NF1: variants seen among roughly 807,000 people sequenced by gnomAD.
NF1 encodes neurofibromin.
NF1 carries 122 observed loss-of-function variants against 325.7 expected under a neutral mutation model. The observed-to-expected ratio is 0.37, with a 90% CI of 0.32 to 0.44. The LOEUF is 0.44. Ranked by LOEUF, NF1 falls within the 20% of genes least tolerant of loss-of-function variation. The pLI is 1.00. For synonymous variants in NF1, 1,091 were observed against 1,186.0 expected, an observed-to-expected ratio of 0.92 and a Z score of 1.65; for missense variants, 2,140 against 3,415.4, an observed-to-expected ratio of 0.63 and a Z score of 9.31.
intron 1 of NF1, among the ~76,000 whole-genome samples, chr17:31,111,993 T>C (rs541862703): frequency 6.6e-6 from 1 of 152,260 alleles, no homozygotes; most frequent in East Asian, 1.9e-4. Flanking sequence ...TTAAAATGTA[T>C]AATTTGATGA....
At chr17:31,248,421 C>T (rs2067437084) in intron 29 of NF1, among the ~76,000 whole-genome samples, 1 of 152,178 alleles carries the variant, frequency 6.6e-6, no homozygotes, top group Non-Finnish European at 1.5e-5. Context: ...AACACACATA[C>T]ACGTGCATGT....
rs532544954 is a variant in NF1 at position 31,305,275 on chromosome 17, A to G, written c.4836-20545A>G. ...GGCTTGCTGGGAGGAGGTGTTGGCT[A>G]TTGGTGTTGGTTGTTTGGTGTTGTA... On this transcript the variant is annotated intron_variant, in intron 36 of 57. Coordinates refer to ENST00000358273, the MANE Select transcript of NF1 (RefSeq NM_001042492.3). 71 of 1,614,074 alleles carry G rather than the reference A, an allele frequency of 4.4e-5. No individual in the cohort carries two copies. In the South Asian group the frequency reaches 5.3e-4, roughly 12 times the overall value.
chr17:31,266,091 C>T (rs2067783307), intron 36 of NF1, among the ~76,000 whole-genome samples: 1 of 152,266 alleles, frequency 6.6e-6, no homozygotes, highest in South Asian at 2.1e-4. Context: ...CATAGAGAAA[C>T]CACTGACTTT....
chr17:31,169,831 A>G lies in NF1; in HGVS notation c.480-60A>G, dbSNP rs562335297. 61 of 1,207,668 alleles carry G rather than the reference A, an allele frequency of 5.1e-5. No homozygotes were observed. The South Asian group carries it at 6.6e-4, about 13-fold the overall frequency. The allele number at this position is 1,207,668 out of a possible 1,614,324, so 74.8% of individuals were successfully genotyped here. A position where few individuals can be genotyped will look rare whatever the true frequency, so the allele number is the denominator to read the frequency against. ...GAAGTGCTGGGATTACAGGTGTGAG[A>G]TACCACACCTGTCCCCTAATACTTA... On this transcript the variant is annotated intron_variant, in intron 4 of 57. Coordinates refer to ENST00000358273, the MANE Select transcript of NF1 (RefSeq NM_001042492.3).
chr17:31,095,563 G>A (rs1357204033), intron 1 of NF1, 194 bp downstream of exon 1: 5 of 600,216 alleles, frequency 8.3e-6, no homozygotes, highest in Non-Finnish European at 1.4e-5. Context: ...GGGGACAGCT[G>A]GGAGCTTGGG....
intron 46 of NF1, 168 bp from the exon 47 acceptor site, chr17:31,340,337 G>T: frequency 2.6e-6 from 2 of 770,802 alleles, no homozygotes; most frequent in Non-Finnish European, 4.2e-6. Context: ...AGTGTCTTTA[G>T]TTATACATAT....
intron 5 of NF1, among the ~76,000 whole-genome samples, chr17:31,179,230 A>G (rs887263966): frequency 6.6e-6 from 1 of 152,214 alleles, no homozygotes; most frequent in Non-Finnish European, 1.5e-5. Flanking sequence ...ACACAACTAC[A>G]TGGAAACTGA....
At chr17:31,211,843 A>G (rs913577647) in intron 12 of NF1, among the ~76,000 whole-genome samples, 1 of 152,222 alleles carries the variant, frequency 6.6e-6, no homozygotes, top group African/African-American at 2.4e-5. Context: ...TGTGAAGCCT[A>G]GGACATTACA....
intron 8 of NF1, among the ~76,000 whole-genome samples, chr17:31,186,826 C>T (rs76399158): frequency 0.04 from 6,104 of 152,296 alleles, 166 homozygotes; most frequent in Non-Finnish European, 0.06. Flanking sequence ...GGCTTAGCAA[C>T]GTGGACTTCA....
intron 29 of NF1, 62 bp from the exon 30 acceptor site, chr17:31,248,922 G>A: frequency 6.5e-7 from 1 of 1,544,916 alleles, no homozygotes; most frequent in Non-Finnish European, 8.9e-7. Flanking sequence ...CTCTTTTAAG[G>A]AGTGATTTTT....
At chr17:31,305,207 T>A (rs2068682043) in intron 36 of NF1, 1 of 1,614,190 alleles carries the variant, frequency 6.2e-7, no homozygotes, top group Non-Finnish European at 8.5e-7. Flanking sequence ...GGTTGTGTGG[T>A]AGAAGTACGG....
intron 11 of NF1, among the ~76,000 whole-genome samples, chr17:31,204,688 GAC>G (rs2066589828): frequency 1.3e-5 from 2 of 151,982 alleles, no homozygotes; most frequent in African/African-American, 4.8e-5. Context: ...ATTAAAAAAA[GAC>G]ACAGTAATTT....
At chr17:31,225,322 T>C in intron 17 of NF1, 72 bp downstream of exon 17, 1 of 1,531,016 alleles carries the variant, frequency 6.5e-7, no homozygotes, top group Non-Finnish European at 9.0e-7. Context: ...ATTTGGTAAA[T>C]TTCATCTAGG....
intron 29 of NF1, among the ~76,000 whole-genome samples, chr17:31,244,369 C>T (rs1362174864): frequency 6.6e-6 from 1 of 152,138 alleles, no homozygotes; most frequent in Non-Finnish European, 1.5e-5. Flanking sequence ...GAGCCCAGCA[C>T]AGCACCAGGA....
chr17:31,215,265 G>A (rs751300040), intron 13 of NF1, among the ~76,000 whole-genome samples: 5 of 152,108 alleles, frequency 3.3e-5, no homozygotes, highest in African/African-American at 4.8e-5. Flanking sequence ...ACAGGCATGA[G>A]CCCCCATGCC....
rs192384155 is a variant in NF1, at chr17:31,099,971, C to A, written c.60+4602C>A. 6.3e-3 allele frequency among the ~76,000 whole-genome samples: 909 copies of A among 144,726 alleles called. 3 individuals carry two copies. The highest frequency in any genetic ancestry group is 0.011 in the Non-Finnish European group (715 of 66,818). The allele number at this position is 144,726 out of a possible 152,430, so 94.9% of individuals were successfully genotyped here. ...CACTGGTTCCTGTAGAGCTTTATTT[C>A]TGAAGGGAAGTATGGGAAAACTATG... is the stretch of plus-strand genomic sequence containing the variant. On this transcript the variant is annotated intron_variant, in intron 1 of 57. Coordinates refer to ENST00000358273, the MANE Select transcript of NF1 (RefSeq NM_001042492.3).
At chr17:31,209,341 A>G (rs1200508483) in intron 12 of NF1, among the ~76,000 whole-genome samples, 1 of 152,246 alleles carries the variant, frequency 6.6e-6, no homozygotes, top group Non-Finnish European at 1.5e-5. Flanking sequence ...GCAAAACAGT[A>G]AAAGTAAAAT....
At chr17:31,167,818 G>C (rs1013472272) in intron 4 of NF1, among the ~76,000 whole-genome samples, 1 of 152,030 alleles carries the variant, frequency 6.6e-6, no homozygotes, top group African/African-American at 2.4e-5. Flanking sequence ...ATGTTTCTAC[G>C]TTTGTGATAA....
intron 36 of NF1, among the ~76,000 whole-genome samples, chr17:31,283,950 T>C (rs753499043): frequency 3.3e-5 from 5 of 152,250 alleles, no homozygotes; most frequent in Non-Finnish European, 7.3e-5. Context: ...TCCACATTAC[T>C]TGGGTGTTAG....
Sources: allele counts gnomAD v4.1 joint callset (sites outside exome capture counted in the v4.1 genomes callset), GRCh38; gene constraint gnomAD v4.1.1; transcripts MANE v1.5; gene names NCBI Gene and HGNC (gene_info 2026-07-23, HGNC 2026-07-21).